Variants in ZBTB20 observed in about 807,000 individuals in gnomAD.
ZBTB20 encodes zinc finger and BTB domain-containing protein 20.
Under a neutral mutation model 56.9 loss-of-function variants are expected in ZBTB20, and 9 were observed. The ratio of observed to expected loss-of-function variants is 0.16; its 90% CI spans 0.10 to 0.28. ZBTB20 has a LOEUF of 0.28. Among genes scored for constraint, ZBTB20 ranks in the 10% least tolerant of loss-of-function variants. The probability of loss-of-function intolerance (pLI) is 1.00; values close to 1 mark genes in which losing one functional copy is unlikely to be tolerated. For synonymous variants in ZBTB20, 417 were observed against 420.7 expected (o/e 0.99, Z 0.11); for missense variants, 655 against 1,003.0 (o/e 0.65, Z 4.69).
At chr3:114,457,207 A>G (rs143277214) in intron 7 of ZBTB20, among the ~76,000 whole-genome samples, 2 of 152,308 alleles carry the variant, frequency 1.3e-5, no homozygotes, top group East Asian at 3.9e-4. Flanking sequence ...GCAAACACAT[A>G]TTTATATATA....
At chr3:115,123,531 G>A (rs577491425) in intron 1 of ZBTB20, among the ~76,000 whole-genome samples, 22 of 152,158 alleles carry the variant, frequency 1.4e-4, no homozygotes, top group Non-Finnish European at 2.9e-4. Flanking sequence ...TAAGCAGAAT[G>A]CTTGTCAATT....
At chr3:114,882,337 A>G (rs1366866745) in intron 4 of ZBTB20, among the ~76,000 whole-genome samples, 1 of 152,080 alleles carries the variant, frequency 6.6e-6, no homozygotes, top group African/African-American at 2.4e-5. Context: ...AGGAATTCTC[A>G]TATAATGTTG....
At chr3:114,602,051 G>C in intron 6 of ZBTB20, among the ~76,000 whole-genome samples, 1 of 151,926 alleles carries the variant, frequency 6.6e-6, no homozygotes. Context: ...TAGAGAAAAG[G>C]TCCTCATATT....
At chr3:115,094,369 G>A (rs948681088) in intron 1 of ZBTB20, among the ~76,000 whole-genome samples, 1 of 151,780 alleles carries the variant, frequency 6.6e-6, no homozygotes, top group African/African-American at 2.4e-5. Flanking sequence ...TATTTGCCTA[G>A]TCTATTTAAA....
chr3:114,698,367 A>G (rs1359629342), intron 5 of ZBTB20, among the ~76,000 whole-genome samples: 1 of 152,154 alleles, frequency 6.6e-6, no homozygotes, highest in Non-Finnish European at 1.5e-5. Context: ...CAATATTCAT[A>G]AAGAAATTTA....
At position 115,041,261 on chromosome 3, in the gene ZBTB20, A is replaced by G. The variant is rs1281223017; in HGVS notation, c.-507+29958T>C. 2.6e-5 allele frequency among the ~76,000 whole-genome samples: 4 copies of G among 152,290 alleles called. No homozygotes were observed. The East Asian group carries it at 7.7e-4, about 29-fold the overall frequency. ...TCACCATCTGTCCTCTTCTTCAATT[A>G]CCACCATTACCACATGGACAAACAT... On this transcript the variant is annotated intron_variant, in intron 2 of 11. Transcript: ENST00000675478.
At chr3:114,599,409 G>A (rs1290934787) in intron 6 of ZBTB20, 1 of 152,060 alleles carries the variant, frequency 6.6e-6, no homozygotes, top group Non-Finnish European at 1.5e-5. Context: ...TTAAGCAACT[G>A]ACCTATTAAT....
intron 2 of ZBTB20, among the ~76,000 whole-genome samples, chr3:115,012,709 C>T (rs2079775770): frequency 6.6e-6 from 1 of 151,784 alleles, no homozygotes. Flanking sequence ...GTGCTATAGA[C>T]CAAATGGATC....
chr3:114,645,470 GT>G (rs2059786551), intron 6 of ZBTB20, among the ~76,000 whole-genome samples: 1 of 151,998 alleles, frequency 6.6e-6, no homozygotes, highest in East Asian at 1.9e-4. Context: ...AATTTGTCTT[GT>G]TATCCAGAAA....
chr3:114,524,227 GATTGA>G (rs1221234530), intron 6 of ZBTB20, among the ~76,000 whole-genome samples: 1 of 152,160 alleles, frequency 6.6e-6, no homozygotes, highest in Non-Finnish European at 1.5e-5. Context: ...GTAACAAAGG[GATTGA>G]ACTACCAAGA....
At chr3:114,679,262 C>T (rs2061820551) in intron 6 of ZBTB20, among the ~76,000 whole-genome samples, 1 of 152,072 alleles carries the variant, frequency 6.6e-6, no homozygotes, top group South Asian at 2.1e-4. Context: ...GCAATGGCAA[C>T]AAAAACCCAA....
chr3:114,798,350 A>AAAAAAC (rs1553825492), intron 5 of ZBTB20, among the ~76,000 whole-genome samples: 4 of 150,404 alleles, frequency 2.7e-5, no homozygotes, highest in African/African-American at 4.9e-5. Context: ...ACAAAAAAAC[A>AAAAAAC]AAAAAAAACA....
intron 10 of ZBTB20, among the ~76,000 whole-genome samples, chr3:114,373,675 T>A (rs964761680): frequency 6.6e-6 from 1 of 152,218 alleles, no homozygotes; most frequent in African/African-American, 2.4e-5. Context: ...TAATTCTGCA[T>A]TTATATTTAC....
chr3:114,388,938 G>C (rs2085485014), intron 8 of ZBTB20, 67 bp downstream of exon 8: 1 of 148,468 alleles, frequency 6.7e-6, no homozygotes, highest in Non-Finnish European at 1.5e-5. Flanking sequence ...ACAATTTTCT[G>C]TGTGTGTGTG....
chr3:114,870,699 C>T (rs192714299), intron 4 of ZBTB20, among the ~76,000 whole-genome samples: 1 of 152,016 alleles, frequency 6.6e-6, no homozygotes, highest in Admixed American at 6.6e-5. Flanking sequence ...AAATTTCATT[C>T]AGTTTCTCAA....
intron 1 of ZBTB20, among the ~76,000 whole-genome samples, chr3:115,143,221 C>T (rs1271268586): frequency 6.6e-6 from 1 of 152,218 alleles, no homozygotes; most frequent in Non-Finnish European, 1.5e-5. Flanking sequence ...TAATGTTCCT[C>T]TTGCATTACA....
At chr3:114,893,340 T>TA (rs2076891478) in intron 4 of ZBTB20, among the ~76,000 whole-genome samples, 1 of 152,156 alleles carries the variant, frequency 6.6e-6, no homozygotes, top group African/African-American at 2.4e-5. Context: ...AGTACATATA[T>TA]AAAAATTTTA....
chr3:115,144,341 T>C (rs1425586959), intron 1 of ZBTB20, among the ~76,000 whole-genome samples: 1 of 152,214 alleles, frequency 6.6e-6, no homozygotes, highest in Non-Finnish European at 1.5e-5. Context: ...CAGACTAGCC[T>C]TTTTACTAGA....
chr3:115,090,395 TA>T (rs2083144031), intron 1 of ZBTB20, among the ~76,000 whole-genome samples: 1 of 151,900 alleles, frequency 6.6e-6, no homozygotes, highest in African/African-American at 2.4e-5. Context: ...TTTTTCCCTC[TA>T]TTTTTAAATA....
Sources: allele counts gnomAD v4.1 joint callset (sites outside exome capture counted in the v4.1 genomes callset), GRCh38; gene constraint gnomAD v4.1.1; transcripts MANE v1.5; gene names NCBI Gene and HGNC (gene_info 2026-07-23, HGNC 2026-07-21).